OSBPL10: variants seen among roughly 807,000 people sequenced by gnomAD.
OSBPL10 encodes oxysterol binding protein like 10.
A neutral mutation model predicts 81.7 loss-of-function variants in OSBPL10; 49 were observed. That is an observed-to-expected ratio of 0.60 (90% CI 0.48 to 0.76). The LOEUF (loss-of-function observed/expected upper bound fraction) is 0.76, where lower values mean the gene tolerates loss of function less well. Among genes scored for constraint, OSBPL10 ranks in the 30% least tolerant of loss-of-function variants. The pLI, the probability that OSBPL10 is intolerant of heterozygous loss-of-function variation, is 0.00. For missense variants in OSBPL10, 923 were observed against 987.8 expected (o/e 0.93, Z 0.88); for synonymous variants, 419 against 383.6 (o/e 1.09, Z -1.08).
intron 4 of OSBPL10, among the ~76,000 whole-genome samples, chr3:31,750,083 G>A (rs1448840222): frequency 6.6e-6 from 1 of 152,062 alleles, no homozygotes; most frequent in Admixed American, 6.5e-5. Context: ...TCAAGAGGCT[G>A]AGGTAGGAGA....
chr3:31,740,463 TAAC>T (rs1204170863), intron 5 of OSBPL10, among the ~76,000 whole-genome samples: 1 of 152,146 alleles, frequency 6.6e-6, no homozygotes, highest in Non-Finnish European at 1.5e-5. Flanking sequence ...AAAATATTAA[TAAC>T]AATAGCCTAC....
chr3:31,761,821 A>AAACAAAC (rs1200086492), intron 4 of OSBPL10, among the ~76,000 whole-genome samples: 1 of 138,024 alleles, frequency 7.2e-6, no homozygotes. Context: ...TCTAAAAAAA[A>AAACAAAC]AAAAAAAAAA....
At chr3:31,838,787 A>G (rs1161166181) in intron 3 of OSBPL10, among the ~76,000 whole-genome samples, 5 of 152,204 alleles carry the variant, frequency 3.3e-5, no homozygotes, top group Admixed American at 3.3e-4. Context: ...TACTTAAACA[A>G]TAAGCTCATT....
chr3:31,934,076 TAAAAAA>T (rs35397219), intron 1 of OSBPL10, among the ~76,000 whole-genome samples: 1 of 132,040 alleles, frequency 7.6e-6, no homozygotes, highest in Non-Finnish European at 1.6e-5. Flanking sequence ...CACCTCTGTT[TAAAAAA>T]AAAAAAACAA....
At chr3:31,795,234 T>C (rs1699169654) in intron 4 of OSBPL10, 1 of 129,638 alleles carries the variant, frequency 7.7e-6, no homozygotes. Context: ...AAACTCCGCC[T>C]CCCGGGTTGA....
At chr3:31,708,914 C>T in intron 6 of OSBPL10, 1 of 985,500 alleles carries the variant, frequency 1.0e-6, no homozygotes, top group Non-Finnish European at 1.2e-6. Context: ...TCTGGTATAG[C>T]TGGTACCCCT....
At chr3:31,866,681 A>T (rs1358121153) in intron 3 of OSBPL10, among the ~76,000 whole-genome samples, 2 of 152,208 alleles carry the variant, frequency 1.3e-5, no homozygotes, top group African/African-American at 4.8e-5. Context: ...TTGTAAACAC[A>T]GGCAGGTCCC....
At chr3:31,664,420 G>C in intron 10 of OSBPL10, 188 bp from the exon 11 acceptor site, 2 of 613,204 alleles carry the variant, frequency 3.3e-6, no homozygotes, top group Non-Finnish European at 5.7e-6. Flanking sequence ...CTCCACCTCT[G>C]TGTTGTTTCT....
chr3:31,703,856 T>G (rs1175524809), intron 6 of OSBPL10: 2 of 152,224 alleles, frequency 1.3e-5, no homozygotes, highest in East Asian at 3.8e-4. Context: ...ATGTGCCCAG[T>G]TCTCTAGCCA....
intron 4 of OSBPL10, among the ~76,000 whole-genome samples, chr3:31,815,416 C>T (rs1279264892): frequency 6.6e-6 from 1 of 152,180 alleles, no homozygotes; most frequent in Non-Finnish European, 1.5e-5. Flanking sequence ...GACTCTCAGC[C>T]TTTAATATAA....
intron 1 of OSBPL10, among the ~76,000 whole-genome samples, chr3:32,067,239 C>CT (rs972783496): frequency 3.3e-5 from 5 of 151,938 alleles, no homozygotes; most frequent in African/African-American, 1.2e-4. Context: ...GTAATTTTGT[C>CT]TTTTGACAGT....
At chr3:32,018,156 A>G (rs994810019) in intron 2 of OSBPL10, among the ~76,000 whole-genome samples, 2 of 84,314 alleles carry the variant, frequency 2.4e-5, no homozygotes, top group Non-Finnish European at 4.7e-5. Context: ...CTCAATAAAT[A>G]AATAAATAAA....
chr3:31,678,606 G>T (rs571348749), intron 8 of OSBPL10, among the ~76,000 whole-genome samples: 2 of 152,278 alleles, frequency 1.3e-5, no homozygotes, highest in Non-Finnish European at 2.9e-5. Flanking sequence ...TTTGTCTAAT[G>T]GCAAGAATTA....
At chr3:31,978,876 C>T (rs1698754275) in intron 1 of OSBPL10, among the ~76,000 whole-genome samples, 1 of 152,178 alleles carries the variant, frequency 6.6e-6, no homozygotes, top group Non-Finnish European at 1.5e-5. Context: ...AATCTAAACA[C>T]CACAATGGGT....
At chr3:31,945,845 A>G (rs1431318365) in intron 1 of OSBPL10, among the ~76,000 whole-genome samples, 1 of 152,190 alleles carries the variant, frequency 6.6e-6, no homozygotes. Flanking sequence ...TCATGCATAC[A>G]AATAGGGTTA....
intron 1 of OSBPL10, among the ~76,000 whole-genome samples, chr3:31,942,045 C>A (rs527353384): frequency 6.6e-6 from 1 of 152,186 alleles, no homozygotes; most frequent in African/African-American, 2.4e-5. Flanking sequence ...GAAGCCGAGG[C>A]GGGTGGATCA....
chr3:31,736,222 A>G (rs139668055), intron 5 of OSBPL10, among the ~76,000 whole-genome samples: 1 of 152,312 alleles, frequency 6.6e-6, no homozygotes, highest in African/African-American at 2.4e-5. Flanking sequence ...ATGCACACAT[A>G]AAATGTGTAC....
In OSBPL10 at chr3:31,966,373, A is replaced by G. The variant is rs137922421; in HGVS notation, c.281+14526T>C. Among the ~76,000 whole-genome samples the G allele has an allele frequency of 3.7e-3, 560 of 151,990 alleles. 3 individuals carry two copies. Among genetic ancestry groups the G allele is most frequent in the Non-Finnish European group, 6.9e-3 (472 of 67,930 alleles). Reference sequence around the variant, plus strand: ...ACATTAGAAAAGAAATGATAATTTAATAATTTAAGCATCTGCCTTAGGAAA... The same window carrying G: ...ACATTAGAAAAGAAATGATAATTTAGTAATTTAAGCATCTGCCTTAGGAAA... On this transcript the variant is annotated intron_variant, in intron 1 of 11. Coordinates refer to ENST00000396556, the MANE Select transcript of OSBPL10 (RefSeq NM_017784.5).
At chr3:31,800,383 A>G (rs1481628146) in intron 4 of OSBPL10, among the ~76,000 whole-genome samples, 1 of 152,262 alleles carries the variant, frequency 6.6e-6, no homozygotes, top group Non-Finnish European at 1.5e-5. Flanking sequence ...GAGAAAAAGT[A>G]CTAATGATAA....
Sources: gnomAD v4.1 joint callset for allele counts (sites outside exome capture counted in the v4.1 genomes callset) on GRCh38, gnomAD v4.1.1 for gene constraint, MANE v1.5 for transcripts, NCBI Gene and HGNC (gene_info 2026-07-23, HGNC 2026-07-21) for gene names.